KCNH7: variants seen among roughly 807,000 people sequenced by gnomAD.
The protein encoded by KCNH7 is potassium voltage-gated channel subfamily H member 7, also known as voltage-gated inwardly rectifying potassium channel KCNH7.
Under a neutral mutation model 120.8 loss-of-function variants are expected in KCNH7, and 49 were observed. The ratio of observed to expected loss-of-function variants is 0.41; its 90% confidence interval spans 0.32 to 0.51. KCNH7 has a LOEUF of 0.51. KCNH7 is among the 20% of genes least tolerant of loss of function. The pLI is 0.38. For missense variants in KCNH7, 1,097 were observed against 1,446.6 expected (o/e 0.76, Z 3.92); for synonymous variants, 547 against 516.1 (o/e 1.06, Z -0.81).
intron 7 of KCNH7, among the ~76,000 whole-genome samples, chr2:162,442,918 GTTTA>G (rs1429495764): frequency 6.6e-6 from 1 of 152,116 alleles, no homozygotes; most frequent in Non-Finnish European, 1.5e-5. Context: ...CTCTTAATTT[GTTTA>G]TTTATGTACT....
rs144025747 is a variant in KCNH7 at position 162,371,876 on chromosome 2, C to T, written c.3544G>A (p.Val1182Met). 124 of 1,613,304 alleles carry T rather than the reference C, an allele frequency of 7.7e-5. No individual in the cohort carries two copies. The Middle Eastern group carries it at 8.3e-4, about 11-fold the overall frequency. ...TCAGAAACATGCCTATGAAGACCCA[C>T]GATTCCTACAGTGCTTAGGGATGAA... ...PDSSLSTVGI[V>M]GLHRHVSDPG... The change falls in exon 16 of 16, where the codon GTG (valine) becomes ATG (methionine). Residue 1182 changes from valine (V) to methionine (M), a missense_variant. Transcript: ENST00000332142.
chr2:162,438,971 G>T (rs1215430492), intron 7 of KCNH7, among the ~76,000 whole-genome samples: 1 of 151,986 alleles, frequency 6.6e-6, no homozygotes. Flanking sequence ...TAGCCCCATT[G>T]TTTAGTTTAA....
chr2:162,834,569 T>C (rs1319811084), intron 2 of KCNH7, among the ~76,000 whole-genome samples: 1 of 152,112 alleles, frequency 6.6e-6, no homozygotes. Context: ...CAGGGGAGTT[T>C]TAATGCATAT....
At chr2:162,544,071 G>C (rs1207698950) in intron 2 of KCNH7, among the ~76,000 whole-genome samples, 1 of 152,070 alleles carries the variant, frequency 6.6e-6, no homozygotes, top group Non-Finnish European at 1.5e-5. Context: ...ACATAGTAGG[G>C]GGAAGGCCCT....
intron 2 of KCNH7, among the ~76,000 whole-genome samples, chr2:162,588,958 G>GCA (rs1447135607): frequency 2.6e-5 from 4 of 152,054 alleles, no homozygotes; most frequent in Admixed American, 6.6e-5. Context: ...TCCTCAAGGA[G>GCA]CACAGCCTGG....
chr2:162,555,146 T>G (rs1236898263), intron 2 of KCNH7, among the ~76,000 whole-genome samples: 1 of 152,214 alleles, frequency 6.6e-6, no homozygotes, highest in Non-Finnish European at 1.5e-5. Context: ...GCTAGCACAC[T>G]TCAGATTTGT....
chr2:162,593,891 T>G (rs1694293100), intron 2 of KCNH7, among the ~76,000 whole-genome samples: 2 of 152,010 alleles, frequency 1.3e-5, no homozygotes, highest in African/African-American at 2.4e-5. Flanking sequence ...GGACTCATAT[T>G]TCTCACTTTC....
intron 2 of KCNH7, among the ~76,000 whole-genome samples, chr2:162,571,322 G>C (rs1268878022): frequency 6.6e-6 from 1 of 152,002 alleles, no homozygotes; most frequent in Non-Finnish European, 1.5e-5. Flanking sequence ...TAAATACCTG[G>C]GAATCCAACT....
At chr2:162,621,202 G>T (rs1683341734) in intron 2 of KCNH7, among the ~76,000 whole-genome samples, 1 of 96,816 alleles carries the variant, frequency 1.0e-5, no homozygotes, top group African/African-American at 4.3e-5. Flanking sequence ...TTTATTTTGT[G>T]ATTTTTTTTT....
intron 14 of KCNH7, among the ~76,000 whole-genome samples, chr2:162,375,783 G>A (rs764210618): frequency 6.6e-6 from 1 of 151,664 alleles, no homozygotes; most frequent in Non-Finnish European, 1.5e-5. Flanking sequence ...GTGGTGGTGT[G>A]CACCTGTGGT....
intron 2 of KCNH7, among the ~76,000 whole-genome samples, chr2:162,814,919 T>C (rs974076284): frequency 6.6e-6 from 1 of 152,202 alleles, no homozygotes; most frequent in Non-Finnish European, 1.5e-5. Flanking sequence ...AGTTTTCCTA[T>C]CTACTCACTC....
At chr2:162,711,621 C>T (rs938316652) in intron 2 of KCNH7, among the ~76,000 whole-genome samples, 1 of 152,128 alleles carries the variant, frequency 6.6e-6, no homozygotes, top group African/African-American at 2.4e-5. Context: ...AGGACGTTTT[C>T]CTAATGCCCA....
At chr2:162,651,861 ATC>A (rs1180619475) in intron 2 of KCNH7, among the ~76,000 whole-genome samples, 3 of 152,170 alleles carry the variant, frequency 2.0e-5, no homozygotes, top group African/African-American at 7.2e-5. Context: ...CCTCACCAGC[ATC>A]TGCTATTTTT....
intron 2 of KCNH7, among the ~76,000 whole-genome samples, chr2:162,820,032 A>ATT (rs1261388836): frequency 7.9e-6 from 1 of 126,646 alleles, no homozygotes; most frequent in African/African-American, 3.1e-5. Context: ...TATTCCATAA[A>ATT]CTTTTTTTTT....
chr2:162,565,544 A>G (rs1364792543), intron 2 of KCNH7, among the ~76,000 whole-genome samples: 1 of 151,966 alleles, frequency 6.6e-6, no homozygotes, highest in East Asian at 1.9e-4. Flanking sequence ...AGTCAGCATT[A>G]TTTTTCTGTA....
At chr2:162,499,766 C>T (rs987832013) in intron 6 of KCNH7, among the ~76,000 whole-genome samples, 3 of 152,070 alleles carry the variant, frequency 2.0e-5, no homozygotes, top group African/African-American at 7.2e-5. Flanking sequence ...TATAATCATA[C>T]CAGGCACTGG....
At chr2:162,834,818 T>C (rs1308153802) in intron 2 of KCNH7, among the ~76,000 whole-genome samples, 1 of 152,154 alleles carries the variant, frequency 6.6e-6, no homozygotes, top group Non-Finnish European at 1.5e-5. Flanking sequence ...ATATACCTAG[T>C]ATTTGAGCAA....
chr2:162,609,793 G>A (rs1682899901), intron 2 of KCNH7, among the ~76,000 whole-genome samples: 2 of 152,144 alleles, frequency 1.3e-5, no homozygotes, highest in Non-Finnish European at 2.9e-5. Context: ...CTCCTGAATA[G>A]TCAACAATTT....
rs188046674 is a variant in KCNH7 at position 162,408,510 on chromosome 2, C to T, written c.2155-8069G>A. On this transcript the variant is annotated intron_variant, in intron 9 of 15. Coordinates refer to ENST00000332142, the MANE Select transcript of KCNH7 (RefSeq NM_033272.4). ...TACATACATTTTTGCTTCTAACACT[C>T]GAGTCATAAAACAGCTGTGTGTGCT... 1.8e-3 allele frequency among the ~76,000 whole-genome samples: 277 copies of T among 152,080 alleles called. 1 individual carries two copies. The highest frequency in any genetic ancestry group is 6.8e-3 in the Middle Eastern group (2 of 294).
Sources: allele counts gnomAD v4.1 joint callset (sites outside exome capture counted in the v4.1 genomes callset), GRCh38; gene constraint gnomAD v4.1.1; transcripts MANE v1.5; gene names NCBI Gene and HGNC (gene_info 2026-07-23, HGNC 2026-07-21).